Variants in OPRM1 observed in about 807,000 individuals in gnomAD.
The protein encoded by OPRM1 is mu-type opioid receptor.
Under a neutral mutation model 31.8 loss-of-function variants are expected in OPRM1, and 27 were observed. That is an observed-to-expected ratio of 0.85 (90% CI 0.63 to 1.17). The LOEUF (loss-of-function observed/expected upper bound fraction) is 1.17. Among genes scored for constraint, OPRM1 ranks in the 50% most tolerant of loss-of-function variants. OPRM1 has a pLI of 0.00. For missense variants in OPRM1, 536 were observed against 511.1 expected (o/e 1.05, Z -0.47); for synonymous variants, 196 against 189.9 (o/e 1.03, Z -0.26).
intron 1 of OPRM1, chr6:154,011,148 A>T: frequency 1.2e-6 from 1 of 855,726 alleles, no homozygotes; most frequent in Non-Finnish European, 1.6e-6. Context: ...GTGATGTAAG[A>T]GCAGGAAATA....
chr6:154,144,793 G>C (rs972040799), intron 3 of OPRM1, among the ~76,000 whole-genome samples: 4 of 146,986 alleles, frequency 2.7e-5, no homozygotes, highest in Non-Finnish European at 4.5e-5. Context: ...CCATGACCAA[G>C]TGGAATTTAT....
chr6:154,078,635 C>A (rs1219024256), intron 1 of OPRM1, among the ~76,000 whole-genome samples: 1 of 152,164 alleles, frequency 6.6e-6, no homozygotes, highest in African/African-American at 2.4e-5. Context: ...TTTTGGGAGG[C>A]CAAGGAGGGA....
At chr6:154,215,594 G>A (rs1231727588) in intron 3 of OPRM1, among the ~76,000 whole-genome samples, 1 of 151,916 alleles carries the variant, frequency 6.6e-6, no homozygotes, top group Non-Finnish European at 1.5e-5. Flanking sequence ...CAACAAGAGC[G>A]AAACTCCATC....
At chr6:154,063,863 T>C (rs1784856113) in intron 1 of OPRM1, among the ~76,000 whole-genome samples, 1 of 152,120 alleles carries the variant, frequency 6.6e-6, no homozygotes, top group Admixed American at 6.5e-5. Context: ...TAACATTTCA[T>C]TGTATGTATG....
chr6:154,240,113 A>G lies in OPRM1; in HGVS notation c.1165-6580A>G, dbSNP rs943810478. Among the ~76,000 whole-genome samples the G allele has an allele frequency of 2.6e-5, 4 of 152,232 alleles. No individual in the cohort carries two copies. The East Asian group carries it at 5.8e-4, about 22-fold the overall frequency. On this transcript the variant is annotated intron_variant, in intron 3 of 3. Coordinates refer to the OPRM1 transcript ENST00000337049. ...AATAAATTAAAAGCCCATAATTCTC[A>G]TTTTGGTAGAAGTCTGGGAACACAT...
chr6:154,080,009 A>G (rs1788737934), intron 1 of OPRM1, among the ~76,000 whole-genome samples: 1 of 152,234 alleles, frequency 6.6e-6, no homozygotes, highest in Non-Finnish European at 1.5e-5. Context: ...CTATATGGAA[A>G]AGGGAATACT....
chr6:154,076,803 G>A (rs1340293209), intron 1 of OPRM1, among the ~76,000 whole-genome samples: 1 of 152,084 alleles, frequency 6.6e-6, no homozygotes, highest in African/African-American at 2.4e-5. Flanking sequence ...TTCTCTTCTA[G>A]ATCTCTCACA....
chr6:154,143,540 G>A (rs1798275918), intron 3 of OPRM1, among the ~76,000 whole-genome samples: 1 of 152,202 alleles, frequency 6.6e-6, no homozygotes, highest in African/African-American at 2.4e-5. Context: ...GCCTTCTCTT[G>A]CATAAACTAC....
At chr6:154,157,561 T>G (rs1798765430) in intron 3 of OPRM1, 1 of 152,192 alleles carries the variant, frequency 6.6e-6, no homozygotes, top group Non-Finnish European at 1.5e-5. Context: ...GAGTTTACAG[T>G]TGAAAGGCTG....
intron 3 of OPRM1, among the ~76,000 whole-genome samples, chr6:154,100,566 G>T (rs569762444): frequency 6.6e-6 from 1 of 151,668 alleles, no homozygotes; most frequent in Non-Finnish European, 1.5e-5. Context: ...AATATAGGCT[G>T]AAAATTTCAT....
At chr6:154,141,865 T>C (rs1798221615) in intron 3 of OPRM1, among the ~76,000 whole-genome samples, 1 of 152,126 alleles carries the variant, frequency 6.6e-6, no homozygotes, top group South Asian at 2.1e-4. Context: ...CCGGCTTGAA[T>C]TTTCCTTTTA....
chr6:154,088,921 CCTCT>C (rs1791312920), intron 1 of OPRM1, among the ~76,000 whole-genome samples: 1 of 152,162 alleles, frequency 6.6e-6, no homozygotes, highest in African/African-American at 2.4e-5. Flanking sequence ...CTCTCTGTTA[CCTCT>C]CTGTCTAGAA....
chr6:154,023,097 G>A (rs1778480146), intron 1 of OPRM1, among the ~76,000 whole-genome samples: 1 of 152,076 alleles, frequency 6.6e-6, no homozygotes, highest in East Asian at 1.9e-4. Flanking sequence ...AATGTCATTG[G>A]GATTTTGATG....
At position 154,163,658 on chromosome 6, in the gene OPRM1, G is replaced by A. The variant is rs116414721; in HGVS notation, c.1164+72186G>A. ...AGACTGTTTACACATGTAGACATTC[G>A]TTGAATACTTGTTGAAAAAATGAAT... On this transcript the variant is annotated intron_variant, in intron 3 of 3. Coordinates refer to the OPRM1 transcript ENST00000337049. 3.9e-3 allele frequency among the ~76,000 whole-genome samples: 597 copies of A among 152,230 alleles called. 2 individuals are homozygous for A. The highest frequency in any genetic ancestry group is 0.014 in the African/African-American group (569 of 41,522).
At chr6:154,161,444 C>T (rs1799012265) in intron 3 of OPRM1, among the ~76,000 whole-genome samples, 1 of 152,068 alleles carries the variant, frequency 6.6e-6, no homozygotes. Flanking sequence ...CTCCTTAAAC[C>T]TCAAGTGATA....
At position 154,071,530 on chromosome 6, in the gene OPRM1, C is replaced by A. The variant is rs184660664; in HGVS notation, c.291-18296C>A. ...TATTATCCATGCTCACCAGCGAAAA[C>A]CCCCAGGAATATCCCTGTAGTTTTA... On this transcript the variant is annotated intron_variant, in intron 1 of 3. Transcript: ENST00000330432. Among the ~76,000 whole-genome samples the A allele has an allele frequency of 1.9e-3, 282 of 151,902 alleles. 4 individuals carry two copies. The South Asian group carries it at 0.029, about 16-fold the overall frequency.
At chr6:154,103,538 A>G (rs1472897513) in intron 3 of OPRM1, among the ~76,000 whole-genome samples, 2 of 152,244 alleles carry the variant, frequency 1.3e-5, no homozygotes, top group African/African-American at 4.8e-5. Context: ...AGGTAATAGT[A>G]CAATGAGGTA....
At chr6:154,184,220 T>A (rs1436085384) in intron 3 of OPRM1, among the ~76,000 whole-genome samples, 6 of 152,064 alleles carry the variant, frequency 3.9e-5, no homozygotes, top group Non-Finnish European at 8.8e-5. Context: ...CTGTATCAGC[T>A]ATCTCAAAAT....
intron 1 of OPRM1, among the ~76,000 whole-genome samples, chr6:154,058,290 G>T (rs537096828): frequency 6.2e-4 from 95 of 152,222 alleles, no homozygotes; most frequent in African/African-American, 2.1e-3. Context: ...ATGATGTTTG[G>T]TATAGCTCTC....
Sources: allele counts gnomAD v4.1 joint callset (sites outside exome capture counted in the v4.1 genomes callset), GRCh38; gene constraint gnomAD v4.1.1; transcripts MANE v1.5; gene names NCBI Gene and HGNC (gene_info 2026-07-23, HGNC 2026-07-21).